SPDYE5: variants seen among roughly 807,000 people sequenced by gnomAD.
SPDYE5 encodes speedy/RINGO cell cycle regulator family member E5.
A neutral mutation model predicts 48.5 loss-of-function variants in SPDYE5; 15 were observed. The observed-to-expected ratio is 0.31, with a 90% confidence interval of 0.21 to 0.48. SPDYE5 has a LOEUF of 0.48. Among genes scored for constraint, SPDYE5 ranks in the 20% least tolerant of loss-of-function variants. The pLI, the probability that SPDYE5 is intolerant of heterozygous loss-of-function variation, is 0.99. For synonymous variants in SPDYE5, 116 were observed against 200.7 expected (o/e 0.58, Z 3.57); for missense variants, 331 against 549.1 (o/e 0.60, Z 3.97).
chr7:75,492,630 G>A (rs1357971513), intron 1 of SPDYE5, among the ~76,000 whole-genome samples, 189 bp downstream of exon 1: 2 of 151,814 alleles, frequency 1.3e-5, no homozygotes, highest in Non-Finnish European at 2.9e-5. Flanking sequence ...GTAGAGATGG[G>A]GTTTCACCAT....
intron 8 of SPDYE5, 132 bp from the exon 9 acceptor site, chr7:75,502,701 T>C (rs1422585048): frequency 1.1e-5 from 13 of 1,152,170 alleles, no homozygotes; most frequent in East Asian, 7.2e-5. Context: ...AAGCAGGGTA[T>C]AGAATGAAAG....
intron 6 of SPDYE5, among the ~76,000 whole-genome samples, 196 bp from the exon 7 acceptor site, chr7:75,501,166 A>G (rs1163554266): frequency 2.6e-5 from 4 of 152,056 alleles, no homozygotes; most frequent in Admixed American, 2.6e-4. Flanking sequence ...TTTTGTCTCC[A>G]TCCTGAAGGA....
At chr7:75,495,965 G>T (rs1393946754) in intron 3 of SPDYE5, among the ~76,000 whole-genome samples, 1 of 151,316 alleles carries the variant, frequency 6.6e-6, no homozygotes, top group Non-Finnish European at 1.5e-5. Context: ...AGGTGGAAGA[G>T]GTTGCTTTGA....
rs1792829609 is a variant in SPDYE5, at chr7:75,493,984, T to C, written c.-64T>C. The C allele has an allele frequency of 2.6e-6, 4 of 1,514,438 alleles. No homozygotes were observed. The South Asian group carries it at 4.9e-5, about 18-fold the overall frequency. 93.8% of individuals were successfully genotyped at this position (1,514,438 alleles called of 1,614,324 possible). On this transcript the variant is annotated 5_prime_UTR_variant, in exon 2 of 9. Coordinates refer to ENST00000625065, the MANE Select transcript of SPDYE5 (RefSeq NM_001306141.4). Reference sequence around the variant, plus strand: ...CTCAGAGCTGTTCTCCACTCCTGACTTCTCCTAGGCTTGAGAATTGATAAC... The same window carrying C: ...CTCAGAGCTGTTCTCCACTCCTGACCTCTCCTAGGCTTGAGAATTGATAAC...
chr7:75,491,925 G>C (rs1554481801), upstream of SPDYE5, among the ~76,000 whole-genome samples: 2 of 151,680 alleles, frequency 1.3e-5, no homozygotes, highest in East Asian at 3.9e-4. Context: ...ATGTTGGACA[G>C]GCTGGTCTCG....
upstream of SPDYE5, among the ~76,000 whole-genome samples, chr7:75,492,150 T>G (rs1554481823): frequency 6.6e-6 from 1 of 152,044 alleles, no homozygotes; most frequent in African/African-American, 2.4e-5. Context: ...AGATTTTCAT[T>G]CCACAAAAGA....
At chr7:75,493,233 G>C (rs1177156040) in intron 1 of SPDYE5, among the ~76,000 whole-genome samples, 1 of 151,174 alleles carries the variant, frequency 6.6e-6, no homozygotes, top group African/African-American at 2.4e-5. Flanking sequence ...TTTCTTAGCC[G>C]AACTGGAGGG....
chr7:75,501,337 G>A (rs782789081), intron 6 of SPDYE5, 25 bp from the exon 7 acceptor site: 10 of 1,612,006 alleles, frequency 6.2e-6, no homozygotes, highest in East Asian at 2.2e-5. Flanking sequence ...GTGCCCCTGA[G>A]CAGCAACCTG....
At chr7:75,501,082 T>G (rs1241267963) in intron 6 of SPDYE5, among the ~76,000 whole-genome samples, 7 of 152,212 alleles carry the variant, frequency 4.6e-5, no homozygotes, top group African/African-American at 1.7e-4. Flanking sequence ...TGGCCTCAAG[T>G]GATCCTCCTG....
chr7:75,502,274 T>C (rs1554483716), intron 8 of SPDYE5, among the ~76,000 whole-genome samples: 1 of 139,894 alleles, frequency 7.1e-6, no homozygotes, highest in East Asian at 2.1e-4. Context: ...AAAATAATCA[T>C]AAATACTGAG....
intron 8 of SPDYE5, among the ~76,000 whole-genome samples, chr7:75,502,479 G>A (rs1584744416): frequency 1.3e-5 from 2 of 152,274 alleles, no homozygotes; most frequent in Middle Eastern, 6.8e-3. Context: ...AACACATCTA[G>A]CATGGTTACA....
At chr7:75,499,770 A>C (rs144390483) in intron 6 of SPDYE5, among the ~76,000 whole-genome samples, 2,052 of 78,768 alleles carry the variant, frequency 0.026, 7 homozygotes, top group East Asian at 0.2. Context: ...TTTTCTCAAA[A>C]AAAAAAAAAA....
intron 8 of SPDYE5, 106 bp downstream of exon 8, chr7:75,502,088 A>T: frequency 7.5e-7 from 1 of 1,329,276 alleles, no homozygotes. Context: ...ACGTGGCGAG[A>T]TCCCCTCTCC....
Position 75,495,197 on chromosome 7 carries a change from T to A in SPDYE5, c.202T>A (p.Trp68Arg), listed in dbSNP as rs1554482330. Reference protein sequence around the residue: ...DPSPPCRSLGWKRKREWSDES... With the variant: ...DPSPPCRSLGRKRKREWSDES... ...CAGCCCCCCATGTAGGTCCCTTGGC[T>A]GGAAAAGGAAGAGGGAGTGGTCAGA... The change falls in exon 3 of 9, where the codon TGG (tryptophan) becomes AGG (arginine). Residue 68 changes from tryptophan (W) to arginine (R), a missense_variant. Trp to Arg is a moderately radical substitution (Grantham distance 101). Transcript: ENST00000625065. The A allele has an allele frequency of 3.1e-6, 5 of 1,597,296 alleles. No individual in the cohort carries two copies. In the South Asian group the frequency reaches 5.5e-5, roughly 18 times the overall value.
Position 75,494,157 on chromosome 7 carries a change from C to T in SPDYE5, c.110C>T (p.Ser37Leu). 2.6e-6 allele frequency: 4 copies of T among 1,535,208 alleles called. No homozygotes were observed. The highest frequency in any genetic ancestry group is 2.4e-5 in the East Asian group (1 of 40,890). The change falls in exon 2 of 9, where the codon TCG becomes TTG. Residue 37 changes from serine to leucine, a missense_variant. This residue lies in a region of SPDYE5 where 67 missense variants were observed against 55.7 expected (regional missense o/e 1.20). Coordinates refer to ENST00000625065, the MANE Select transcript of SPDYE5 (RefSeq NM_001306141.4). ...QNEQSPQRST[S>L]GYPLQEVVDD... ...GAGCAGAGTCCCCAGCGGAGCACCTCGGGGTACCCCCTCCAGGAGGTGGTG... is the reference window on the plus strand; with the variant it reads ...GAGCAGAGTCCCCAGCGGAGCACCTTGGGGTACCCCCTCCAGGAGGTGGTG...
At chr7:75,497,493 C>A (rs1554482762) in intron 4 of SPDYE5, among the ~76,000 whole-genome samples, 4 of 150,136 alleles carry the variant, frequency 2.7e-5, no homozygotes, top group African/African-American at 9.8e-5. Flanking sequence ...AATCAATAAA[C>A]AAAGAAAGTG....
At chr7:75,497,574 G>C (rs1313209357) in intron 4 of SPDYE5, among the ~76,000 whole-genome samples, 3 of 147,328 alleles carry the variant, frequency 2.0e-5, no homozygotes, top group African/African-American at 7.6e-5. Flanking sequence ...TCCATCCATA[G>C]TGAGGGATAC....
At chr7:75,494,553 C>T (rs1327239601) in intron 2 of SPDYE5, among the ~76,000 whole-genome samples, 7 of 148,642 alleles carry the variant, frequency 4.7e-5, no homozygotes, top group South Asian at 2.1e-4. Flanking sequence ...GAAGGGTCAG[C>T]GGTCAGGAAG....
intron 5 of SPDYE5, among the ~76,000 whole-genome samples, chr7:75,498,281 G>A (rs1439701380): frequency 5.9e-5 from 9 of 151,776 alleles, no homozygotes; most frequent in African/African-American, 1.7e-4. Flanking sequence ...GAACCACCAC[G>A]CCTGGCTAAT....
Sources: allele counts gnomAD v4.1 joint callset (sites outside exome capture counted in the v4.1 genomes callset), GRCh38; gene constraint gnomAD v4.1.1; regional missense constraint gnomAD v4.1.1; transcripts MANE v1.5; gene names NCBI Gene and HGNC (gene_info 2026-07-23, HGNC 2026-07-21).